The following GAB1 variants were observed in gnomAD, a reference collection of about 807,000 sequenced individuals.
GAB1 encodes GRB2 associated binding protein 1.
In GAB1, 19 loss-of-function variants were observed where a neutral mutation model predicts 66.5. That is an observed-to-expected ratio of 0.29 (90% CI 0.20 to 0.42). The LOEUF (loss-of-function observed/expected upper bound fraction) is 0.42, where lower values mean the gene tolerates loss of function less well. Ranked by LOEUF, GAB1 falls within the 10% of genes least tolerant of loss-of-function variation. The pLI is 1.00. For missense variants in GAB1, 732 were observed against 858.5 expected, an observed-to-expected ratio of 0.85 and a Z score of 1.84; for synonymous variants, 294 against 301.4, an observed-to-expected ratio of 0.98 and a Z score of 0.25.
At chr4:143,350,796 A>G (rs1729175509) in intron 1 of GAB1, among the ~76,000 whole-genome samples, 1 of 152,060 alleles carries the variant, frequency 6.6e-6, no homozygotes, top group Non-Finnish European at 1.5e-5. Flanking sequence ...GCAAAAATTG[A>G]TTATGTAAAA....
chr4:143,448,737 A>G (rs1166512034), intron 6 of GAB1, among the ~76,000 whole-genome samples: 4 of 151,604 alleles, frequency 2.6e-5, no homozygotes, highest in African/African-American at 7.3e-5. Context: ...CTTTCAAAAA[A>G]CCAGCTCCTG....
chr4:143,436,742 AATG>A (rs1422313904), intron 3 of GAB1, among the ~76,000 whole-genome samples: 3 of 152,208 alleles, frequency 2.0e-5, no homozygotes, highest in Non-Finnish European at 4.4e-5. Flanking sequence ...TTAAGAAGTA[AATG>A]GATTTCTATT....
At position 143,337,092 on chromosome 4, in the gene GAB1, A is replaced by T; in HGVS notation, c.-97A>T. ...TCCGGGGTGCGCGACCAGGAGAGCT[A>T]GGTTCTCGCCACTGCGCGCTCGGCA... On this transcript the variant is annotated 5_prime_UTR_variant, in exon 1 of 10. Coordinates refer to ENST00000262994, the MANE Select transcript of GAB1 (RefSeq NM_002039.4). 9.5e-7 allele frequency: 1 copy of T among 1,047,636 alleles called. No individual in the cohort carries two copies. The highest frequency in any genetic ancestry group is 1.4e-6 in the Non-Finnish European group (1 of 714,056). 64.9% of individuals were successfully genotyped at this position (1,047,636 alleles called of 1,614,324 possible). A position where few individuals can be genotyped will look rare whatever the true frequency, so the allele number is the denominator to read the frequency against.
At chr4:143,398,555 A>T (rs1348967687) in intron 1 of GAB1, among the ~76,000 whole-genome samples, 1 of 152,004 alleles carries the variant, frequency 6.6e-6, no homozygotes, top group African/African-American at 2.4e-5. Context: ...CACTACTTGT[A>T]TCTCCCTTTT....
intron 1 of GAB1, among the ~76,000 whole-genome samples, chr4:143,369,231 G>A (rs1358811295): frequency 6.6e-6 from 1 of 151,822 alleles, no homozygotes. Context: ...ATGAGCCACC[G>A]CACCCGGCCA....
intron 1 of GAB1, among the ~76,000 whole-genome samples, chr4:143,346,332 A>C (rs974962061): frequency 6.6e-6 from 1 of 152,192 alleles, no homozygotes; most frequent in African/African-American, 2.4e-5. Context: ...CTGTATTGGG[A>C]AATGTGGTTA....
At chr4:143,450,601 G>A (rs954538976) in intron 6 of GAB1, among the ~76,000 whole-genome samples, 1 of 152,040 alleles carries the variant, frequency 6.6e-6, no homozygotes, top group African/African-American at 2.4e-5. Flanking sequence ...TAAATGACAA[G>A]CAAAAATGGC....
chr4:143,338,578 A>C (rs1678727309), intron 1 of GAB1, among the ~76,000 whole-genome samples: 1 of 152,226 alleles, frequency 6.6e-6, no homozygotes, highest in Non-Finnish European at 1.5e-5. Context: ...AAAGCTCTCC[A>C]GAGATGTGTA....
At chr4:143,366,343 T>C (rs1460467299) in intron 1 of GAB1, among the ~76,000 whole-genome samples, 1 of 152,210 alleles carries the variant, frequency 6.6e-6, no homozygotes, top group Non-Finnish European at 1.5e-5. Context: ...ATTCTAAATT[T>C]GTTGTTATTT....
intron 2 of GAB1, among the ~76,000 whole-genome samples, chr4:143,422,307 A>G (rs931681262): frequency 1.3e-5 from 2 of 152,234 alleles, no homozygotes; most frequent in Non-Finnish European, 2.9e-5. Flanking sequence ...AATTGTGAAC[A>G]TAAAGGTAAA....
At chr4:143,428,318 C>T (rs1733472584) in intron 2 of GAB1, among the ~76,000 whole-genome samples, 1 of 152,086 alleles carries the variant, frequency 6.6e-6, no homozygotes, top group Admixed American at 6.5e-5. Flanking sequence ...GACTCTATAT[C>T]ATAAGCTGAA....
At chr4:143,463,260 T>C (rs1735595626) in intron 8 of GAB1, among the ~76,000 whole-genome samples, 1 of 152,176 alleles carries the variant, frequency 6.6e-6, no homozygotes, top group Non-Finnish European at 1.5e-5. Flanking sequence ...ACTAAAGGCA[T>C]ACATACTGTT....
At chr4:143,394,070 G>T (rs1047736405) in intron 1 of GAB1, among the ~76,000 whole-genome samples, 1 of 152,094 alleles carries the variant, frequency 6.6e-6, no homozygotes, top group Non-Finnish European at 1.5e-5. Context: ...TCAGGAGATC[G>T]AGACCATCCT....
Position 143,469,272 on chromosome 4 carries a change from C to T in GAB1, c.*83C>T. 2 of 1,379,838 alleles carry T rather than the reference C, an allele frequency of 1.4e-6. No individual in the cohort carries two copies. Among genetic ancestry groups the T allele is most frequent in the African/African-American group, 2.9e-5 (2 of 69,486 alleles). The allele number at this position is 1,379,838 out of a possible 1,614,324, so 85.5% of individuals were successfully genotyped here. ...TTTGAAGAATGACTTGACACTTCCA[C>T]TCTAGGTAGATCCTCAAATGAGTAG... On this transcript the variant is annotated 3_prime_UTR_variant, in exon 10 of 10. Coordinates refer to ENST00000262994, the MANE Select transcript of GAB1 (RefSeq NM_002039.4).
Position 143,354,966 on chromosome 4 carries a change from A to G in GAB1, c.72+17706A>G, listed in dbSNP as rs184764076. 4.5e-4 allele frequency among the ~76,000 whole-genome samples: 68 copies of G among 152,332 alleles called. No homozygotes were observed. The East Asian group carries it at 9.4e-3, about 21-fold the overall frequency. ...AAACATAGATACTGAAATATTTTTC[A>G]TCCTTCAACTAAGTTCTAGCATTGA... On this transcript the variant is annotated intron_variant, in intron 1 of 9. Transcript: ENST00000262994.
At chr4:143,341,817 A>G (rs944673109) in intron 1 of GAB1, among the ~76,000 whole-genome samples, 1 of 152,204 alleles carries the variant, frequency 6.6e-6, no homozygotes, top group African/African-American at 2.4e-5. Flanking sequence ...CCTTGGTTCA[A>G]GGACAACCCA....
intron 8 of GAB1, among the ~76,000 whole-genome samples, chr4:143,463,451 C>T (rs1366199946): frequency 6.6e-6 from 1 of 151,782 alleles, no homozygotes; most frequent in Non-Finnish European, 1.5e-5. Flanking sequence ...GGATAAACCC[C>T]GTCTCTATTA....
intron 1 of GAB1, among the ~76,000 whole-genome samples, chr4:143,406,049 T>C (rs1051634837): frequency 6.6e-6 from 1 of 152,190 alleles, no homozygotes; most frequent in Non-Finnish European, 1.5e-5. Flanking sequence ...ATTTACTCAG[T>C]TTCCTACTGT....
intron 9 of GAB1, among the ~76,000 whole-genome samples, chr4:143,467,927 G>A (rs145389770): frequency 5.3e-5 from 8 of 152,336 alleles, no homozygotes; most frequent in African/African-American, 1.4e-4. Flanking sequence ...TCTAGTGAGC[G>A]CAGCAGTGCA....
Sources: gnomAD v4.1 joint callset for allele counts (sites outside exome capture counted in the v4.1 genomes callset) on GRCh38, gnomAD v4.1.1 for gene constraint, MANE v1.5 for transcripts, NCBI Gene and HGNC (gene_info 2026-07-23, HGNC 2026-07-21) for gene names.